Variants in TRAPPC9 observed in about 807,000 individuals in gnomAD.
The protein encoded by TRAPPC9 is trafficking protein particle complex subunit 9, also known as IKK2 binding protein.
TRAPPC9 carries 83 observed loss-of-function variants against 124.0 expected under a neutral mutation model. The ratio of observed to expected loss-of-function variants is 0.67; its 90% CI spans 0.56 to 0.80. The LOEUF is 0.80. TRAPPC9 is among the 30% of genes least tolerant of loss of function. The pLI is 0.00. For synonymous variants in TRAPPC9, 638 were observed against 617.5 expected (o/e 1.03, Z -0.49); for missense variants, 1,302 against 1,508.3 (o/e 0.86, Z 2.27).
chr8:140,221,964 G>GAT (rs944187057), intron 16 of TRAPPC9, among the ~76,000 whole-genome samples: 14 of 152,192 alleles, frequency 9.2e-5, no homozygotes, highest in African/African-American at 3.4e-4. Flanking sequence ...ACAGCTGCCT[G>GAT]ATGTGTCCTC....
At chr8:140,243,486 C>G (rs1229862717) in intron 16 of TRAPPC9, among the ~76,000 whole-genome samples, 1 of 152,184 alleles carries the variant, frequency 6.6e-6, no homozygotes, top group Non-Finnish European at 1.5e-5. Flanking sequence ...CACACACTTG[C>G]CCCTGTGTTT....
chr8:140,106,657 A>G (rs2060671837), intron 17 of TRAPPC9, among the ~76,000 whole-genome samples: 1 of 152,194 alleles, frequency 6.6e-6, no homozygotes, highest in African/African-American at 2.4e-5. Flanking sequence ...ACAGACTGCA[A>G]GTCTTTTACT....
intron 10 of TRAPPC9, among the ~76,000 whole-genome samples, chr8:140,310,890 G>A (rs535777871): frequency 4.4e-4 from 67 of 152,058 alleles, no homozygotes; most frequent in African/African-American, 1.5e-3. Flanking sequence ...CATGGCCTGC[G>A]GAAAGGGAAA....
intron 7 of TRAPPC9, among the ~76,000 whole-genome samples, chr8:140,391,232 T>C (rs2068914167): frequency 6.6e-6 from 1 of 152,188 alleles, no homozygotes. Context: ...AGCCAAAATG[T>C]TTTCAAATGG....
intron 21 of TRAPPC9, among the ~76,000 whole-genome samples, chr8:139,814,707 A>G (rs1350815039): frequency 1.3e-5 from 2 of 152,138 alleles, no homozygotes; most frequent in Non-Finnish European, 1.5e-5. Flanking sequence ...GTTAGCCTCA[A>G]AAAAAGAAAG....
At chr8:139,835,462 G>A (rs900954692) in intron 21 of TRAPPC9, among the ~76,000 whole-genome samples, 5 of 152,328 alleles carry the variant, frequency 3.3e-5, no homozygotes, top group Admixed American at 1.3e-4. Context: ...TGGCGCGCAC[G>A]TTCGCCCGTG....
intron 21 of TRAPPC9, among the ~76,000 whole-genome samples, chr8:139,820,741 C>T (rs916108174): frequency 2.0e-5 from 3 of 152,102 alleles, no homozygotes; most frequent in Admixed American, 6.5e-5. Flanking sequence ...GAAATAGATC[C>T]GCATTTACAA....
intron 21 of TRAPPC9, among the ~76,000 whole-genome samples, chr8:139,743,495 T>C (rs72683216): frequency 0.072 from 10,998 of 152,300 alleles, 462 homozygotes; most frequent in South Asian, 0.13. Context: ...AGCTATAATA[T>C]ATTTAACTTT....
At chr8:139,801,029 C>A (rs536870517) in intron 21 of TRAPPC9, among the ~76,000 whole-genome samples, 1 of 148,410 alleles carries the variant, frequency 6.7e-6, no homozygotes, top group South Asian at 2.2e-4. Flanking sequence ...TCCCTCCCTC[C>A]GGTACCTTCC....
chr8:140,375,668 T>C (rs2068417282), intron 7 of TRAPPC9, among the ~76,000 whole-genome samples: 1 of 152,330 alleles, frequency 6.6e-6, no homozygotes, highest in East Asian at 1.9e-4. Flanking sequence ...CCTAAAACTC[T>C]CAGTGAGTGT....
chr8:139,935,507 G>C (rs1274872034), intron 19 of TRAPPC9, among the ~76,000 whole-genome samples: 1 of 152,174 alleles, frequency 6.6e-6, no homozygotes, highest in Non-Finnish European at 1.5e-5. Flanking sequence ...CAGTGTGTTT[G>C]AGTCCTCCCC....
chr8:139,964,637 T>C (rs770349016), intron 19 of TRAPPC9, among the ~76,000 whole-genome samples: 2 of 152,150 alleles, frequency 1.3e-5, no homozygotes, highest in African/African-American at 2.4e-5. Flanking sequence ...GGTATTTCTA[T>C]ACAGAAAAAT....
intron 16 of TRAPPC9, among the ~76,000 whole-genome samples, chr8:140,245,306 A>G (rs1018937225): frequency 2.0e-5 from 3 of 152,170 alleles, no homozygotes; most frequent in Non-Finnish European, 2.9e-5. Context: ...CACAGGGCCC[A>G]CCACCCAGAC....
chr8:139,989,279 C>A (rs1284610961), intron 18 of TRAPPC9, among the ~76,000 whole-genome samples: 1 of 151,438 alleles, frequency 6.6e-6, no homozygotes. Context: ...CCACGCTGGG[C>A]CCTGAAGCGT....
chr8:140,029,237 G>C (rs1445713219), intron 17 of TRAPPC9, among the ~76,000 whole-genome samples: 5 of 152,228 alleles, frequency 3.3e-5, no homozygotes, highest in African/African-American at 1.2e-4. Context: ...AGGCATTGCG[G>C]CTCATGCCTG....
At chr8:139,770,333 C>T (rs1463626383) in intron 21 of TRAPPC9, among the ~76,000 whole-genome samples, 2 of 152,230 alleles carry the variant, frequency 1.3e-5, no homozygotes, top group Non-Finnish European at 2.9e-5. Flanking sequence ...CGGTCCTCAC[C>T]GTGGCTCCCC....
At chr8:139,732,756 C>A (rs370934695) in intron 21 of TRAPPC9, among the ~76,000 whole-genome samples, 15 of 152,328 alleles carry the variant, frequency 9.8e-5, no homozygotes, top group African/African-American at 3.6e-4. Context: ...GTGTTTTCTT[C>A]ATTCTGTCAG....
intron 21 of TRAPPC9, among the ~76,000 whole-genome samples, chr8:139,793,641 A>C (rs970990183): frequency 1.3e-5 from 2 of 152,304 alleles, no homozygotes; most frequent in Admixed American, 1.3e-4. Context: ...CCTCAGCTGA[A>C]GGAGACACAG....
intron 10 of TRAPPC9, among the ~76,000 whole-genome samples, chr8:140,301,557 A>T (rs2065977051): frequency 6.6e-6 from 1 of 152,188 alleles, no homozygotes; most frequent in Non-Finnish European, 1.5e-5. Context: ...CACCCTTGTG[A>T]CCAGTTTGGG....
Sources: gnomAD v4.1 joint callset for allele counts (sites outside exome capture counted in the v4.1 genomes callset) on GRCh38, gnomAD v4.1.1 for gene constraint, MANE v1.5 for transcripts, NCBI Gene and HGNC (gene_info 2026-07-23, HGNC 2026-07-21) for gene names.